Variants in DPH6 observed in about 807,000 individuals in gnomAD.
DPH6 encodes diphthamine biosynthesis 6, also known as diphthine--ammonia ligase.
A neutral mutation model predicts 38.2 loss-of-function variants in DPH6; 33 were observed. The observed-to-expected ratio is 0.86, with a 90% CI of 0.65 to 1.15. The LOEUF (loss-of-function observed/expected upper bound fraction) is 1.15, where lower values mean the gene tolerates loss of function less well. Ranked by LOEUF, DPH6 falls within the 50% of genes most tolerant of loss-of-function variation. The pLI is 0.00. For synonymous variants in DPH6, 108 were observed against 103.0 expected (o/e 1.05, Z -0.30); for missense variants, 325 against 320.0 (o/e 1.02, Z -0.12).
intron 6 of DPH6, 81 bp from the exon 7 acceptor site, chr15:35,381,997 A>C (rs182209664): frequency 7.0e-6 from 7 of 1,005,872 alleles, no homozygotes; most frequent in African/African-American, 1.6e-5. Flanking sequence ...GTACTAAAAA[A>C]TCCATACAAA....
intron 3 of DPH6, among the ~76,000 whole-genome samples, chr15:35,222,558 G>A (rs541890680): frequency 6.6e-6 from 1 of 152,228 alleles, no homozygotes; most frequent in South Asian, 2.1e-4. Context: ...TCAGGTCATC[G>A]GTAGATGAGA....
intron 5 of DPH6, among the ~76,000 whole-genome samples, chr15:35,446,420 A>G (rs750339460): frequency 1.2e-4 from 18 of 150,768 alleles, no homozygotes; most frequent in African/African-American, 4.1e-4. Flanking sequence ...TTATAGGCAT[A>G]GGTCTCCCTA....
intron 3 of DPH6, chr15:35,237,251 GAAAGTGCT>G: frequency 1.5e-6 from 2 of 1,350,484 alleles, no homozygotes; most frequent in Non-Finnish European, 2.1e-6. Context: ...GTTGAGCCTT[GAAAGTGCT>G]AAAACGCGCG....
chr15:35,249,706 A>C (rs1566850007), intron 3 of DPH6, among the ~76,000 whole-genome samples: 1 of 152,192 alleles, frequency 6.6e-6, no homozygotes, highest in African/African-American at 2.4e-5. Context: ...TAAAAATAGC[A>C]TATTAGTTCT....
intron 3 of DPH6, among the ~76,000 whole-genome samples, chr15:35,228,571 A>C (rs1043955957): frequency 6.6e-6 from 1 of 152,142 alleles, no homozygotes; most frequent in Non-Finnish European, 1.5e-5. Context: ...GGGACCACAG[A>C]CACGTGCCAC....
intron 6 of DPH6, among the ~76,000 whole-genome samples, chr15:35,400,320 T>G (rs897000917): frequency 2.0e-5 from 3 of 152,138 alleles, no homozygotes; most frequent in African/African-American, 7.2e-5. Flanking sequence ...ATATAAACAC[T>G]GGATATTGAT....
chr15:35,390,201 C>T (rs146457520), intron 6 of DPH6, among the ~76,000 whole-genome samples: 57 of 152,266 alleles, frequency 3.7e-4, no homozygotes, highest in East Asian at 3.7e-3. Flanking sequence ...AGAATTCTGT[C>T]GAGATATCAG....
chr15:35,377,736 T>C (rs1265083310), intron 7 of DPH6, among the ~76,000 whole-genome samples: 2 of 152,178 alleles, frequency 1.3e-5, no homozygotes, highest in African/African-American at 4.8e-5. Context: ...GGTAGAAATA[T>C]AAAAAATTAT....
chr15:35,363,343 A>G (rs1037371820), intron 3 of DPH6, among the ~76,000 whole-genome samples: 1 of 152,182 alleles, frequency 6.6e-6, no homozygotes, highest in African/African-American at 2.4e-5. Flanking sequence ...AAGAATTGTT[A>G]TATCTTCCTG....
intron 3 of DPH6, among the ~76,000 whole-genome samples, chr15:35,498,787 G>A (rs1489781300): frequency 6.6e-6 from 1 of 150,830 alleles, no homozygotes; most frequent in Non-Finnish European, 1.5e-5. Flanking sequence ...CTTTTTTTAC[G>A]TAGATGCCGT....
intron 3 of DPH6, among the ~76,000 whole-genome samples, chr15:35,533,286 T>C (rs893356176): frequency 9.9e-5 from 15 of 152,132 alleles, no homozygotes; most frequent in African/African-American, 3.6e-4. Flanking sequence ...GTAGTCATGA[T>C]TCCATCTCTT....
intron 3 of DPH6, among the ~76,000 whole-genome samples, chr15:35,256,205 T>C (rs2051707267): frequency 6.6e-6 from 1 of 152,168 alleles, no homozygotes; most frequent in Non-Finnish European, 1.5e-5. Flanking sequence ...ACATATTTAA[T>C]TCAGATTTCC....
At chr15:35,304,137 T>C (rs1197801839) in intron 3 of DPH6, among the ~76,000 whole-genome samples, 1 of 152,120 alleles carries the variant, frequency 6.6e-6, no homozygotes, top group Non-Finnish European at 1.5e-5. Context: ...TATCTGATTA[T>C]CTAACAAACT....
At chr15:35,368,180 GT>G (rs1352657730), downstream of DPH6, among the ~76,000 whole-genome samples, 1 of 151,912 alleles carries the variant, frequency 6.6e-6, no homozygotes, top group Non-Finnish European at 1.5e-5. Flanking sequence ...AGGTATAAGA[GT>G]ATTTTAGTTC....
chr15:35,536,924 C>T (rs1400868823), intron 3 of DPH6, among the ~76,000 whole-genome samples: 1 of 151,838 alleles, frequency 6.6e-6, no homozygotes, highest in Non-Finnish European at 1.5e-5. Context: ...ATGTATCTTC[C>T]CAGAGGGAAG....
At chr15:35,531,689 TC>T (rs2055089513) in intron 3 of DPH6, among the ~76,000 whole-genome samples, 1 of 152,148 alleles carries the variant, frequency 6.6e-6, no homozygotes, top group African/African-American at 2.4e-5. Flanking sequence ...GCCAGGCTGG[TC>T]TTGAACTCCT....
intron 3 of DPH6, among the ~76,000 whole-genome samples, chr15:35,223,641 G>A (rs1045180809): frequency 3.9e-5 from 6 of 151,950 alleles, no homozygotes; most frequent in Admixed American, 6.5e-5. Flanking sequence ...AGCGGAGATC[G>A]CGCCACTGCA....
the DPH6 span, among the ~76,000 whole-genome samples, chr15:35,158,431 C>A: frequency 3.9e-5 from 6 of 152,118 alleles, no homozygotes; most frequent in Admixed American, 3.3e-4. Flanking sequence ...TTTAAACAAA[C>A]CCCCTTTCAT....
At chr15:35,256,438 T>C (rs2051708616) in intron 3 of DPH6, among the ~76,000 whole-genome samples, 4 of 152,224 alleles carry the variant, frequency 2.6e-5, no homozygotes, top group Admixed American at 2.6e-4. Context: ...TTATGGATTT[T>C]TGGAAGGAAG....
Sources: gnomAD v4.1 joint callset for allele counts (sites outside exome capture counted in the v4.1 genomes callset) on GRCh38, gnomAD v4.1.1 for gene constraint, MANE v1.5 for transcripts, NCBI Gene and HGNC (gene_info 2026-07-23, HGNC 2026-07-21) for gene names.